PAPPA: variants seen among roughly 807,000 people sequenced by gnomAD.
The protein encoded by PAPPA is pappalysin-1.
A neutral mutation model predicts 164.0 loss-of-function variants in PAPPA; 60 were observed. The ratio of observed to expected loss-of-function variants is 0.37; its 90% CI spans 0.30 to 0.45. PAPPA has a LOEUF of 0.45. Among genes scored for constraint, PAPPA ranks in the 20% least tolerant of loss-of-function variants. PAPPA has a pLI of 1.00. For missense variants in PAPPA, 1,782 were observed against 2,087.3 expected (o/e 0.85, Z 2.85); for synonymous variants, 875 against 814.1 (o/e 1.07, Z -1.27).
intron 20 of PAPPA, among the ~76,000 whole-genome samples, chr9:116,381,082 G>T (rs1488098506): frequency 6.6e-6 from 1 of 152,170 alleles, no homozygotes; most frequent in Non-Finnish European, 1.5e-5. Context: ...ACACAATATG[G>T]CATTTGATGG....
At chr9:116,360,640 GTTCAT>G (rs1846414225) in intron 17 of PAPPA, among the ~76,000 whole-genome samples, 1 of 152,032 alleles carries the variant, frequency 6.6e-6, no homozygotes, top group Non-Finnish European at 1.5e-5. Context: ...TCATCTGTGT[GTTCAT>G]TTATTTTCTT....
chr9:116,182,206 G>A (rs1363949356), intron 1 of PAPPA, among the ~76,000 whole-genome samples: 1 of 152,178 alleles, frequency 6.6e-6, no homozygotes, highest in African/African-American at 2.4e-5. Flanking sequence ...AATTAACGTA[G>A]AGTAAATGAT....
intron 14 of PAPPA, among the ~76,000 whole-genome samples, chr9:116,345,417 T>C (rs1298735956): frequency 6.9e-6 from 1 of 145,814 alleles, no homozygotes; most frequent in Non-Finnish European, 1.5e-5. Flanking sequence ...ATGGATAGTA[T>C]GTGGAAGCAC....
intron 7 of PAPPA, among the ~76,000 whole-genome samples, chr9:116,239,905 C>T (rs1844716014): frequency 1.3e-5 from 2 of 152,144 alleles, no homozygotes; most frequent in African/African-American, 4.8e-5. Context: ...GTGGCCCACC[C>T]TTGATGTCTT....
intron 4 of PAPPA, among the ~76,000 whole-genome samples, chr9:116,212,634 T>C (rs1446591882): frequency 1.3e-5 from 2 of 152,138 alleles, no homozygotes; most frequent in Non-Finnish European, 2.9e-5. Flanking sequence ...AAGCAAATTC[T>C]ATCAAGCCAA....
chr9:116,268,713 T>A (rs1587979820), intron 8 of PAPPA, among the ~76,000 whole-genome samples: 2 of 152,070 alleles, frequency 1.3e-5, no homozygotes, highest in Admixed American at 6.6e-5. Context: ...AGTTTTTTTT[T>A]AGTATTTTTA....
intron 13 of PAPPA, among the ~76,000 whole-genome samples, chr9:116,343,037 A>C (rs1170704011): frequency 6.6e-6 from 1 of 152,214 alleles, no homozygotes; most frequent in Non-Finnish European, 1.5e-5. Flanking sequence ...TAGTCCAGAA[A>C]CATGGGACAA....
Position 116,187,022 on chromosome 9 carries a change from G to T in PAPPA, c.416-132G>T, listed in dbSNP as rs1843978854. 1.5e-6 allele frequency: 1 copy of T among 670,210 alleles called. No homozygotes were observed. Among genetic ancestry groups the T allele is most frequent in the Non-Finnish European group, 2.5e-6 (1 of 403,172 alleles). 41.5% of individuals were successfully genotyped at this position (670,210 alleles called of 1,614,324 possible). On this transcript the variant is annotated intron_variant, in intron 1 of 21. Transcript: ENST00000328252. This position sits in a 1 kb window ranked among gnomAD's most constrained non-coding sequence, Gnocchi z 4.2. The stretch of plus-strand genomic sequence containing the variant: ...CCAGAGGCACCATTAGCAACTCCTA[G>T]GATCCCACAGAGCAGTTGGAAAGCG...
intron 5 of PAPPA, among the ~76,000 whole-genome samples, chr9:116,224,587 A>T (rs74902507): frequency 6.6e-6 from 1 of 152,234 alleles, no homozygotes; most frequent in Non-Finnish European, 1.5e-5. Context: ...TATACAATGG[A>T]TGCCTTGGAG....
chr9:116,240,630 T>A (rs1356859857), intron 7 of PAPPA, among the ~76,000 whole-genome samples: 1 of 152,222 alleles, frequency 6.6e-6, no homozygotes, highest in African/African-American at 2.4e-5. Flanking sequence ...TTTACATAGA[T>A]AATCTCATTT....
chr9:116,392,631 A>C (rs1846909211), intron 21 of PAPPA, among the ~76,000 whole-genome samples: 1 of 152,184 alleles, frequency 6.6e-6, no homozygotes, highest in African/African-American at 2.4e-5. Context: ...TCTCAGCTTT[A>C]TATCTGTGAT....
chr9:116,205,403 C>G (rs921476097), intron 2 of PAPPA, among the ~76,000 whole-genome samples: 1 of 152,172 alleles, frequency 6.6e-6, no homozygotes, highest in African/African-American at 2.4e-5. Context: ...TCTCTAATAA[C>G]ATTTGTGTTC....
Position 116,400,661 on chromosome 9 carries a change from A to G in PAPPA, c.*4045A>G, listed in dbSNP as rs567032487. 1.3e-5 allele frequency: 2 copies of G among 152,362 alleles called. No individual in the cohort carries two copies. Among genetic ancestry groups the G allele is most frequent in the Non-Finnish European group, 1.5e-5 (1 of 68,038 alleles). 9.4% of individuals were successfully genotyped at this position (152,362 alleles called of 1,614,324 possible). On this transcript the variant is annotated 3_prime_UTR_variant, in exon 22 of 22. Transcript: ENST00000328252. ...AATCCCACTGAGTGAGTTTTGAGAA[A>G]CAAATCAAACGAAGTAAACAAGAAA...
At chr9:116,377,875 G>C (rs559106475) in intron 20 of PAPPA, among the ~76,000 whole-genome samples, 2 of 152,178 alleles carry the variant, frequency 1.3e-5, no homozygotes, top group Non-Finnish European at 2.9e-5. Flanking sequence ...GGGTAACAGA[G>C]TTGGGTTCCA....
chr9:116,334,233 T>A (rs1846029733), intron 12 of PAPPA, among the ~76,000 whole-genome samples: 1 of 133,190 alleles, frequency 7.5e-6, no homozygotes, highest in Admixed American at 7.7e-5. Context: ...ACCTGCTGGC[T>A]GCATTAAAAA....
chr9:116,393,876 A>ACTT (rs1437550496), intron 21 of PAPPA, among the ~76,000 whole-genome samples: 2 of 152,148 alleles, frequency 1.3e-5, no homozygotes, highest in African/African-American at 4.8e-5. Flanking sequence ...AAGATCTGAG[A>ACTT]CTTATGTAGA....
At chr9:116,259,132 T>C (rs1844971283) in intron 7 of PAPPA, among the ~76,000 whole-genome samples, 1 of 151,616 alleles carries the variant, frequency 6.6e-6, no homozygotes, top group South Asian at 2.1e-4. Context: ...AAACTCCGTC[T>C]AAAAAATAAT....
At chr9:116,382,109 G>GT (rs1038210421) in intron 20 of PAPPA, among the ~76,000 whole-genome samples, 36 of 152,196 alleles carry the variant, frequency 2.4e-4, no homozygotes, top group African/African-American at 8.4e-4. Context: ...CTATTTTGTG[G>GT]TTTTGCATAC....
chr9:116,179,726 G>A (rs1233299412), intron 1 of PAPPA, among the ~76,000 whole-genome samples: 14 of 152,150 alleles, frequency 9.2e-5, no homozygotes. Flanking sequence ...CAAGTGCAGG[G>A]ACCATGGGTA....
Sources: gnomAD v4.1 joint callset for allele counts (sites outside exome capture counted in the v4.1 genomes callset) on GRCh38, gnomAD v4.1.1 for gene constraint, Gnocchi (gnomAD v3.1) non-coding constraint, MANE v1.5 for transcripts, NCBI Gene and HGNC (gene_info 2026-07-23, HGNC 2026-07-21) for gene names.